Variants in SULF1 observed in about 807,000 individuals in gnomAD.
SULF1 encodes the protein sulfatase 1, also known as extracellular sulfatase Sulf-1.
Under a neutral mutation model 110.5 loss-of-function variants are expected in SULF1, and 46 were observed. The observed-to-expected ratio is 0.42, with a 90% CI of 0.33 to 0.53. SULF1 has a LOEUF of 0.53. SULF1 is among the 20% of genes least tolerant of loss of function. The probability of loss-of-function intolerance (pLI) is 0.12; values close to 1 mark genes in which losing one functional copy is unlikely to be tolerated. For synonymous variants in SULF1, 371 were observed against 387.1 expected (o/e 0.96, Z 0.49); for missense variants, 941 against 1,094.2 (o/e 0.86, Z 1.98).
intron 6 of SULF1, among the ~76,000 whole-genome samples, 168 bp from the exon 7 acceptor site, chr8:69,586,189 A>G (rs1357649432): frequency 6.6e-6 from 1 of 152,196 alleles, no homozygotes; most frequent in Non-Finnish European, 1.5e-5. Flanking sequence ...TGTTTGTGTC[A>G]CTTTGCCAAA....
intron 1 of SULF1, among the ~76,000 whole-genome samples, chr8:69,478,657 ATCTC>A (rs1809399548): frequency 6.6e-6 from 1 of 151,988 alleles, no homozygotes; most frequent in African/African-American, 2.4e-5. Context: ...ACCATCAATA[ATCTC>A]TCTCTCATCT....
chr8:69,613,102 T>C (rs1808790319), intron 13 of SULF1, among the ~76,000 whole-genome samples: 2 of 152,178 alleles, frequency 1.3e-5, no homozygotes, highest in Admixed American at 1.3e-4. Flanking sequence ...CACCATTTAT[T>C]GAATAGGGTG....
chr8:69,624,644 G>A (rs1019376916), intron 15 of SULF1, among the ~76,000 whole-genome samples: 3 of 152,258 alleles, frequency 2.0e-5, no homozygotes, highest in East Asian at 3.9e-4. Context: ...ACTCAGAAAC[G>A]AAACACAGTC....
chr8:69,603,076 A>T, intron 10 of SULF1, 116 bp from the exon 11 acceptor site: 1 of 1,423,068 alleles, frequency 7.0e-7, no homozygotes, highest in African/African-American at 1.4e-5. Context: ...CTAGGAGACC[A>T]GATGAGAGGG....
In SULF1 at chr8:69,493,425, C is replaced by CCACACA. The variant is rs144157646; in HGVS notation, c.-391+313_-391+318dup. Among the ~76,000 whole-genome samples the CCACACA allele has an allele frequency of 2.8e-3, 413 of 147,130 alleles. 3 individuals carry two copies. The highest frequency in any genetic ancestry group is 0.01 in the African/African-American group (401 of 39,576). On this transcript the variant is annotated intron_variant, in intron 1 of 22. Coordinates refer to ENST00000402687, the MANE Select transcript of SULF1 (RefSeq NM_001128205.2). ...GGTGATGTCTGGCTGTTGATACACA[C>CCACACA]CACACACACACACACACAACACTAC...
At chr8:69,510,896 C>T (rs148693502) in intron 3 of SULF1, among the ~76,000 whole-genome samples, 7 of 151,648 alleles carry the variant, frequency 4.6e-5, no homozygotes, top group Non-Finnish European at 8.8e-5. Context: ...GGATTACAGG[C>T]GTGAACCACC....
Position 69,564,024 on chromosome 8 carries a change from T to C in SULF1, c.49T>C (p.Leu17=), listed in dbSNP as rs1322726483. 6.2e-7 allele frequency: 1 copy of C among 1,614,194 alleles called. No homozygotes were observed. Among genetic ancestry groups the C allele is most frequent in the Non-Finnish European group, 8.5e-7 (1 of 1,180,028 alleles). The part of the protein sequence containing the change: ...ALVLAVLGTE[L]LGSLCSTVRS... ...GGTTTTGGCTGTCCTGGGCACAGAATTGCTGGGAAGCCTCTGTTCGACTGT... is the reference window on the plus strand; with the variant it reads ...GGTTTTGGCTGTCCTGGGCACAGAACTGCTGGGAAGCCTCTGTTCGACTGT... The change falls in exon 5 of 23, where the codon TTG becomes CTG. Residue 17 remains leucine (L), a synonymous_variant. Coordinates refer to ENST00000402687, the MANE Select transcript of SULF1 (RefSeq NM_001128205.2).
At position 69,627,855 on chromosome 8, in the gene SULF1, C is replaced by T. The variant is rs1810218030; in HGVS notation, c.2031C>T (p.Cys677=). Residue 677 remains cysteine (C), a synonymous_variant, in exon 17 of 23, where the codon TGC becomes TGT. Transcript: ENST00000402687. ...GAAGGAAGCCTGAGGAATGTAGCTG[C>T]AGTAAACAAAGGTGAGCTTGTTTCC... The part of the protein sequence containing the change: ...LKRRKPEECS[C]SKQSYYNKEK... The T allele has an allele frequency of 6.2e-7, 1 of 1,612,042 alleles. No individual in the cohort carries two copies. Among genetic ancestry groups the T allele is most frequent in the South Asian group, 1.1e-5 (1 of 90,590 alleles).
At chr8:69,519,585 A>T (rs888629061) in intron 3 of SULF1, among the ~76,000 whole-genome samples, 2 of 152,170 alleles carry the variant, frequency 1.3e-5, no homozygotes, top group East Asian at 3.9e-4. Flanking sequence ...ATATGTGTTC[A>T]GGTATCTCTA....
At chr8:69,641,822 A>G (rs922290298) in intron 22 of SULF1, among the ~76,000 whole-genome samples, 3 of 152,156 alleles carry the variant, frequency 2.0e-5, no homozygotes, top group Non-Finnish European at 2.9e-5. Flanking sequence ...CAAACATTCC[A>G]TAAACAACCC....
Position 69,520,542 on chromosome 8 carries a change from T to C in SULF1, c.-134+18574T>C, listed in dbSNP as rs148255852. 3.2e-3 allele frequency among the ~76,000 whole-genome samples: 491 copies of C among 152,286 alleles called. 3 individuals are homozygous for C. Among genetic ancestry groups the C allele is most frequent in the African/African-American group, 0.011 (471 of 41,562 alleles). On this transcript the variant is annotated intron_variant, in intron 3 of 22. Coordinates refer to ENST00000402687, the MANE Select transcript of SULF1 (RefSeq NM_001128205.2). ...TATGAAGAGAAATTTTTCAAAGTAA[T>C]GTTTGTACTTGTTTAAAACTAAGCA... is the stretch of plus-strand genomic sequence containing the variant.
chr8:69,633,969 G>A (rs1202132971), intron 19 of SULF1, among the ~76,000 whole-genome samples: 1 of 152,102 alleles, frequency 6.6e-6, no homozygotes, highest in Admixed American at 6.6e-5. Flanking sequence ...ACACAGATTA[G>A]AAAATTTGGG....
chr8:69,531,112 T>G (rs180987191), intron 3 of SULF1, among the ~76,000 whole-genome samples: 208 of 152,278 alleles, frequency 1.4e-3, no homozygotes, highest in Non-Finnish European at 2.5e-3. Context: ...TAAATCCAGA[T>G]CTGCCTGAGC....
At chr8:69,555,916 C>T (rs1815081536) in intron 3 of SULF1, among the ~76,000 whole-genome samples, 1 of 152,062 alleles carries the variant, frequency 6.6e-6, no homozygotes, top group Non-Finnish European at 1.5e-5. Flanking sequence ...AATTGTGGAA[C>T]TTTAAAAATT....
intron 21 of SULF1, 97 bp downstream of exon 21, chr8:69,638,955 T>C (rs556560039): frequency 1.7e-6 from 2 of 1,210,802 alleles, no homozygotes; most frequent in Admixed American, 2.7e-5. Context: ...CAGAAACATA[T>C]AATTCAAGAT....
intron 3 of SULF1, among the ~76,000 whole-genome samples, chr8:69,510,382 T>C (rs1057204560): frequency 6.6e-6 from 1 of 152,198 alleles, no homozygotes. Flanking sequence ...TGTGACTTAA[T>C]TTCTTTATGC....
At chr8:69,540,725 C>T (rs996483066) in intron 3 of SULF1, among the ~76,000 whole-genome samples, 1 of 152,156 alleles carries the variant, frequency 6.6e-6, no homozygotes, top group Non-Finnish European at 1.5e-5. Flanking sequence ...TATTTTAGGG[C>T]TCCACTTGAG....
intron 13 of SULF1, among the ~76,000 whole-genome samples, chr8:69,620,118 G>T (rs1175126034): frequency 6.6e-6 from 1 of 152,156 alleles, no homozygotes; most frequent in African/African-American, 2.4e-5. Flanking sequence ...GGAGTGGGAA[G>T]ATGATCTTCC....
chr8:69,543,179 T>C (rs542219803), intron 3 of SULF1, among the ~76,000 whole-genome samples: 2 of 152,286 alleles, frequency 1.3e-5, no homozygotes, highest in African/African-American at 4.8e-5. Flanking sequence ...TGCAAATATA[T>C]AAATTAAGCC....
Sources: gnomAD v4.1 joint callset for allele counts (sites outside exome capture counted in the v4.1 genomes callset) on GRCh38, gnomAD v4.1.1 for gene constraint, MANE v1.5 for transcripts, NCBI Gene and HGNC (gene_info 2026-07-23, HGNC 2026-07-21) for gene names.